The following NEDD4 variants were observed in gnomAD, a reference collection of about 807,000 sequenced individuals.
The protein encoded by NEDD4 is E3 ubiquitin-protein ligase NEDD4.
Under a neutral mutation model 144.9 loss-of-function variants are expected in NEDD4, and 99 were observed. The ratio of observed to expected loss-of-function variants is 0.68; its 90% CI spans 0.58 to 0.81. The LOEUF (loss-of-function observed/expected upper bound fraction) is 0.81, where lower values mean the gene tolerates loss of function less well. NEDD4 is among the 30% of genes least tolerant of loss of function. NEDD4 has a pLI of 0.00. For missense variants in NEDD4, 985 were observed against 1,065.9 expected, an observed-to-expected ratio of 0.92 and a Z score of 1.06; for synonymous variants, 318 against 350.6, an observed-to-expected ratio of 0.91 and a Z score of 1.04.
intron 5 of NEDD4, among the ~76,000 whole-genome samples, chr15:55,923,749 G>A (rs900526092): frequency 5.3e-5 from 8 of 151,012 alleles, no homozygotes; most frequent in Non-Finnish European, 1.0e-4. Context: ...AGATTTCATT[G>A]GCAATATCTT....
At position 55,905,102 on chromosome 15, in the gene NEDD4, A is replaced by G. The variant is rs562598467; in HGVS notation, c.291+19544T>C. The G allele has an allele frequency of 3.0e-4, 97 of 324,386 alleles. 1 individual carries two copies. The highest frequency in any genetic ancestry group is 1.4e-3 in the African/African-American group (62 of 44,498). The allele number at this position is 324,386 out of a possible 1,614,324, so 20.1% of individuals were successfully genotyped here. A position where few individuals can be genotyped will look rare whatever the true frequency, so the allele number is the denominator to read the frequency against. On this transcript the variant is annotated intron_variant, in intron 5 of 28. Coordinates refer to ENST00000435532, the MANE Select transcript of NEDD4 (RefSeq NM_006154.4). ...AGCGAAATTCCGTCTCAAAAAAAAA[A>G]AAAAGAAAAGAAAAGAAAATCAGGC... is the stretch of plus-strand genomic sequence containing the variant.
At chr15:55,958,998 T>C (rs1466073174) in intron 2 of NEDD4, among the ~76,000 whole-genome samples, 1 of 106,440 alleles carries the variant, frequency 9.4e-6, no homozygotes, top group Admixed American at 9.8e-5. Flanking sequence ...TTTTCTACCA[T>C]TGTCCACTTT....
intron 2 of NEDD4, among the ~76,000 whole-genome samples, chr15:55,954,740 T>C (rs1212998165): frequency 6.6e-6 from 1 of 152,172 alleles, no homozygotes; most frequent in Admixed American, 6.5e-5. Context: ...GTCAGGCTGG[T>C]CTTCAACTCC....
intron 12 of NEDD4, among the ~76,000 whole-genome samples, chr15:55,854,531 C>G (rs1173078382): frequency 1.3e-5 from 2 of 152,120 alleles, no homozygotes; most frequent in African/African-American, 2.4e-5. Context: ...AGCCCACACC[C>G]TACGAGTCCC....
chr15:55,905,850 T>A (rs2036072986), intron 5 of NEDD4, among the ~76,000 whole-genome samples: 1 of 152,242 alleles, frequency 6.6e-6, no homozygotes, highest in African/African-American at 2.4e-5. Flanking sequence ...GGTAGCTTCT[T>A]TTGCTGTGCA....
intron 4 of NEDD4, among the ~76,000 whole-genome samples, chr15:55,933,006 C>A (rs994229451): frequency 6.6e-6 from 1 of 152,080 alleles, no homozygotes; most frequent in African/African-American, 2.4e-5. Context: ...GTTAGAATGG[C>A]GATCATTAAA....
In NEDD4 at chr15:55,951,449, G is replaced by A. The variant is rs373926798; in HGVS notation, c.199-35C>T. On this transcript the variant is annotated intron_variant, in intron 3 of 28. Coordinates refer to ENST00000435532, the MANE Select transcript of NEDD4 (RefSeq NM_006154.4). ...AATAAACATAGTATAACTAAATAAG[G>A]TTTTGTCTTATAAAAATAAAACAAA... is the stretch of plus-strand genomic sequence containing the variant. 95 of 1,295,204 alleles carry A rather than the reference G, an allele frequency of 7.3e-5. 1 individual carries two copies. Among genetic ancestry groups the A allele is most frequent in the East Asian group, 7.2e-4 (28 of 38,804 alleles). 80.2% of individuals were successfully genotyped at this position (1,295,204 alleles called of 1,614,324 possible).
intron 8 of NEDD4, among the ~76,000 whole-genome samples, chr15:55,868,582 C>T (rs1223320213): frequency 2.6e-5 from 4 of 152,106 alleles, no homozygotes; most frequent in Admixed American, 6.5e-5. Context: ...TGCCTGCCAC[C>T]ATATAAGCTG....
At chr15:55,916,622 T>C (rs1353761070) in intron 5 of NEDD4, 2 of 1,614,046 alleles carry the variant, frequency 1.2e-6, no homozygotes, top group Admixed American at 3.3e-5. Flanking sequence ...CAGATGATCT[T>C]TCTTGAGACT....
At chr15:55,911,691 G>A (rs968512851) in intron 5 of NEDD4, among the ~76,000 whole-genome samples, 11 of 151,728 alleles carry the variant, frequency 7.2e-5, no homozygotes, top group African/African-American at 2.4e-4. Flanking sequence ...CACCATGCCC[G>A]GCTAATTTTT....
chr15:55,925,960 GT>G (rs1566954847), intron 4 of NEDD4, among the ~76,000 whole-genome samples: 3 of 150,406 alleles, frequency 2.0e-5, no homozygotes, highest in African/African-American at 5.0e-5. Flanking sequence ...GTATCATACA[GT>G]ATGTATATGT....
chr15:55,904,919 C>T (rs1388159000), intron 5 of NEDD4, among the ~76,000 whole-genome samples: 1 of 151,600 alleles, frequency 6.6e-6, no homozygotes, highest in Non-Finnish European at 1.5e-5. Context: ...ATGGAGAAAC[C>T]CCGTCTCTAC....
chr15:55,915,806 C>G lies in NEDD4; in HGVS notation c.291+8840G>C, dbSNP rs534753388. 8.7e-6 allele frequency: 14 copies of G among 1,613,724 alleles called. No homozygotes were observed. In the African/African-American group the frequency reaches 1.2e-4, roughly 14 times the overall value. On this transcript the variant is annotated intron_variant, in intron 5 of 28. Coordinates refer to ENST00000435532, the MANE Select transcript of NEDD4 (RefSeq NM_006154.4). ...GTAACGAGCCCTTCCTGTGAAGCGGCCGTATGTCTCTTACTTCTCCGGGGG... is the reference window on the plus strand; with the variant it reads ...GTAACGAGCCCTTCCTGTGAAGCGGGCGTATGTCTCTTACTTCTCCGGGGG...
At chr15:55,845,191 GT>G (rs1332719113) in intron 18 of NEDD4, among the ~76,000 whole-genome samples, 3 of 151,948 alleles carry the variant, frequency 2.0e-5, no homozygotes, top group African/African-American at 7.3e-5. Context: ...TCTTTTATAT[GT>G]TTATCCCCTT....
At chr15:55,984,790 C>T (rs2037863076) in intron 1 of NEDD4, among the ~76,000 whole-genome samples, 1 of 152,170 alleles carries the variant, frequency 6.6e-6, no homozygotes, top group Non-Finnish European at 1.5e-5. Context: ...AACTTTGATA[C>T]TATTGGCAAG....
intron 5 of NEDD4, among the ~76,000 whole-genome samples, chr15:55,905,636 T>G (rs1000085173): frequency 2.6e-5 from 4 of 152,104 alleles, no homozygotes; most frequent in Non-Finnish European, 4.4e-5. Context: ...TAAAAACAAG[T>G]AGGACGTTAG....
Position 55,860,746 on chromosome 15 carries a change from A to G in NEDD4, c.707T>C (p.Ile236Thr). The G allele has an allele frequency of 1.2e-6, 2 of 1,614,170 alleles. No homozygotes were observed. The highest frequency in any genetic ancestry group is 1.7e-6 in the Non-Finnish European group (2 of 1,180,000). Residue 236 changes from isoleucine (I) to threonine (T), a missense_variant, in exon 10 of 29, where the codon ATT becomes ACT. By Grantham distance (89) the Ile-to-Thr change is moderately conservative (BLOSUM62 -1). Coordinates refer to ENST00000435532, the MANE Select transcript of NEDD4 (RefSeq NM_006154.4). ...DNLTDAENGN[I>T]QLQAQRAFTT... ...AAATGCACGTTGTGCTTGCAGTTGA[A>G]TGTTGCCATTCTCAGCATCTGTTAG...
At chr15:55,843,474 G>A (rs1431022691) in intron 18 of NEDD4, among the ~76,000 whole-genome samples, 2 of 152,122 alleles carry the variant, frequency 1.3e-5, no homozygotes, top group Non-Finnish European at 2.9e-5. Flanking sequence ...ACACAACTAT[G>A]CTTTAGGCAG....
At chr15:55,880,226 A>G (rs1180669439) in intron 5 of NEDD4, among the ~76,000 whole-genome samples, 1 of 152,122 alleles carries the variant, frequency 6.6e-6, no homozygotes, top group Non-Finnish European at 1.5e-5. Context: ...CAGGAAGTGG[A>G]GGTTGCAGTG....
Sources: gnomAD v4.1 joint callset for allele counts (sites outside exome capture counted in the v4.1 genomes callset) on GRCh38, gnomAD v4.1.1 for gene constraint, MANE v1.5 for transcripts, NCBI Gene and HGNC (gene_info 2026-07-23, HGNC 2026-07-21) for gene names.